Variants in MRPS35 observed in about 807,000 individuals in gnomAD.
MRPS35 encodes the protein mitochondrial ribosomal protein S35.
MRPS35 carries 29 observed loss-of-function variants against 32.7 expected under a neutral mutation model. That is an observed-to-expected ratio of 0.89 (90% CI 0.66 to 1.21). MRPS35 has a LOEUF of 1.21. Ranked by LOEUF, MRPS35 falls within the 50% of genes most tolerant of loss-of-function variation. The pLI, the probability that MRPS35 is intolerant of heterozygous loss-of-function variation, is 0.00. For missense variants in MRPS35, 373 were observed against 383.8 expected (o/e 0.97, Z 0.23); for synonymous variants, 148 against 139.3 (o/e 1.06, Z -0.44).
At chr12:27,748,737 CT>C (rs2061989821) in intron 7 of MRPS35, among the ~76,000 whole-genome samples, 1 of 151,906 alleles carries the variant, frequency 6.6e-6, no homozygotes. Flanking sequence ...GTGGTGTAAT[CT>C]CGGCTCACAG....
chr12:27,735,259 C>T (rs1247680881), intron 5 of MRPS35, among the ~76,000 whole-genome samples, 188 bp from the exon 6 acceptor site: 5 of 152,168 alleles, frequency 3.3e-5, no homozygotes, highest in African/African-American at 7.2e-5. Context: ...ATGTTGCCTT[C>T]CCTTTTTCTG....
At chr12:27,737,134 C>T (rs7315893) in intron 6 of MRPS35, among the ~76,000 whole-genome samples, 15,960 of 152,256 alleles carry the variant, frequency 0.1, 2,753 homozygotes, top group African/African-American at 0.36. Flanking sequence ...CCTCACCCTC[C>T]GGGATTACAG....
At chr12:27,728,666 A>T (rs757927417) in intron 5 of MRPS35, among the ~76,000 whole-genome samples, 1 of 152,092 alleles carries the variant, frequency 6.6e-6, no homozygotes, top group Non-Finnish European at 1.5e-5. Context: ...GTATTTGGTA[A>T]TGATGTATCT....
intron 3 of MRPS35, among the ~76,000 whole-genome samples, chr12:27,719,491 C>G (rs1321489391): frequency 5.3e-5 from 8 of 151,760 alleles, no homozygotes; most frequent in Admixed American, 1.3e-4. Context: ...AAGGTGAAAC[C>G]CCGTCTCTAC....
intron 5 of MRPS35, among the ~76,000 whole-genome samples, chr12:27,727,821 C>T (rs992370927): frequency 6.6e-6 from 1 of 151,986 alleles, no homozygotes; most frequent in African/African-American, 2.4e-5. Context: ...GTTCCAGGAA[C>T]GCTTGTAAAT....
At chr12:27,728,985 T>C (rs934503076) in intron 5 of MRPS35, among the ~76,000 whole-genome samples, 3 of 152,198 alleles carry the variant, frequency 2.0e-5, no homozygotes, top group African/African-American at 4.8e-5. Flanking sequence ...ATGCTGAAAT[T>C]GAGCACTTGG....
intron 4 of MRPS35, among the ~76,000 whole-genome samples, chr12:27,721,594 G>A (rs2061875610): frequency 1.3e-5 from 2 of 152,038 alleles, no homozygotes; most frequent in Non-Finnish European, 2.9e-5. Context: ...AGATTGAGGC[G>A]GCAGTGAGCT....
intron 7 of MRPS35, among the ~76,000 whole-genome samples, chr12:27,747,671 C>G (rs2061985885): frequency 6.6e-6 from 1 of 152,102 alleles, no homozygotes; most frequent in Non-Finnish European, 1.5e-5. Flanking sequence ...ATGTCCTAGG[C>G]AAAGAGAGTT....
Position 27,755,556 on chromosome 12 carries a change from CAG to C in MRPS35, c.*109_*110del. ...ATGTTAAAAAATCATTTTTTTTCCTCAGAGTTAAAATTATTTCCCTCATACTA... is the reference window on the plus strand; with the variant it reads ...ATGTTAAAAAATCATTTTTTTTCCTCAGTTAAAATTATTTCCCTCATACTA... On this transcript the variant is annotated 3_prime_UTR_variant, in exon 8 of 8. Transcript: ENST00000081029. 8.7e-7 allele frequency: 1 copy of C among 1,152,134 alleles called. No individual in the cohort carries two copies. The highest frequency in any genetic ancestry group is 1.2e-6 in the Non-Finnish European group (1 of 850,200). 71.4% of individuals were successfully genotyped at this position (1,152,134 alleles called of 1,614,324 possible). A position where few individuals can be genotyped will look rare whatever the true frequency, so the allele number is the denominator to read the frequency against.
At chr12:27,740,311 A>G (rs1326473560) in intron 7 of MRPS35, among the ~76,000 whole-genome samples, 1 of 147,210 alleles carries the variant, frequency 6.8e-6, no homozygotes, top group African/African-American at 2.5e-5. Flanking sequence ...TTTGTTGTCC[A>G]GGCTGGAGTG....
chr12:27,744,368 C>A (rs1591802262), intron 7 of MRPS35, among the ~76,000 whole-genome samples: 1 of 151,820 alleles, frequency 6.6e-6, no homozygotes, highest in African/African-American at 2.4e-5. Context: ...CCGAGGCAGG[C>A]GGATCACTTG....
intron 5 of MRPS35, among the ~76,000 whole-genome samples, chr12:27,732,207 T>C (rs1484079312): frequency 6.6e-6 from 1 of 152,220 alleles, no homozygotes; most frequent in Non-Finnish European, 1.5e-5. Flanking sequence ...ACCTAGATCT[T>C]AATTTACGTT....
intron 7 of MRPS35, among the ~76,000 whole-genome samples, chr12:27,741,605 CCTA>C (rs2061964931): frequency 6.6e-6 from 1 of 152,004 alleles, no homozygotes; most frequent in African/African-American, 2.4e-5. Flanking sequence ...GGATGTGTAT[CCTA>C]CTCACAATTT....
At chr12:27,731,449 TAAAC>T (rs1009216619) in intron 5 of MRPS35, among the ~76,000 whole-genome samples, 10 of 152,238 alleles carry the variant, frequency 6.6e-5, no homozygotes, top group African/African-American at 2.2e-4. Context: ...TACTAGCAAA[TAAAC>T]AATCTTTAAT....
chr12:27,731,547 T>G (rs2061922038), intron 5 of MRPS35, among the ~76,000 whole-genome samples: 1 of 152,158 alleles, frequency 6.6e-6, no homozygotes, highest in South Asian at 2.1e-4. Context: ...ATCAGGGCTG[T>G]ACCAATTTTT....
chr12:27,733,034 A>ATCTATCTATCTATCTATCTATC (rs1433797132), intron 5 of MRPS35, among the ~76,000 whole-genome samples: 1 of 62,068 alleles, frequency 1.6e-5, no homozygotes, highest in East Asian at 5.7e-4. Context: ...ATATATATAT[A>ATCTATCTATCTATCTATCTATC]TATATATCCA....
chr12:27,712,780 G>A (rs1188882622), intron 1 of MRPS35, among the ~76,000 whole-genome samples: 1 of 152,242 alleles, frequency 6.6e-6, no homozygotes, highest in Admixed American at 6.5e-5. Context: ...ACTGTGGGAG[G>A]TCGAGGCCTG....
At position 27,755,991 on chromosome 12, in the gene MRPS35, A is replaced by T. The variant is rs888467694; in HGVS notation, c.*541A>T. On this transcript the variant is annotated 3_prime_UTR_variant, in exon 8 of 8. Coordinates refer to ENST00000081029, the MANE Select transcript of MRPS35 (RefSeq NM_021821.4). ...ATATGTTGATTCAACTTTGTTTAGC[A>T]TCCTACTTTCTAGATTGTGGGGCTC... 9 of 152,250 alleles carry T rather than the reference A, an allele frequency of 5.9e-5. No individual in the cohort carries two copies. The highest frequency in any genetic ancestry group is 2.2e-4 in the African/African-American group (9 of 41,452). The allele number at this position is 152,250 out of a possible 1,614,324, so 9.4% of individuals were successfully genotyped here.
Position 27,714,804 on chromosome 12 carries a change from G to A in MRPS35, c.137G>A (p.Arg46Lys). ...SLPERTPGNE[R>K]PPRRKALPPR... is the part of the protein sequence containing the mutation. ...GCGGAAAGAACACCCGGAAATGAAA[G>A]GCCACCAAGAAGAAAGGTAAAAAGT... is the stretch of plus-strand genomic sequence containing the variant. The change falls in exon 2 of 8, where the codon AGG (arginine) becomes AAG (lysine). Residue 46 changes from arginine to lysine, a missense_variant. By Grantham distance (26) the Arg-to-Lys change is conservative (BLOSUM62 2). Transcript: ENST00000081029. The A allele has an allele frequency of 6.2e-7, 1 of 1,610,714 alleles. No homozygotes were observed. The highest frequency in any genetic ancestry group is 8.5e-7 in the Non-Finnish European group (1 of 1,177,420).
Sources: gnomAD v4.1 joint callset for allele counts (sites outside exome capture counted in the v4.1 genomes callset) on GRCh38, gnomAD v4.1.1 for gene constraint, MANE v1.5 for transcripts, NCBI Gene and HGNC (gene_info 2026-07-23, HGNC 2026-07-21) for gene names.